The following ATXN7 variants were observed in gnomAD, a reference collection of about 807,000 sequenced individuals.
ATXN7 encodes the protein ataxin 7, also known as ataxin-7.
A neutral mutation model predicts 70.5 loss-of-function variants in ATXN7; 12 were observed. The observed-to-expected ratio is 0.17, with a 90% CI of 0.11 to 0.28. The LOEUF is 0.28. ATXN7 is among the 10% of genes least tolerant of loss of function. The probability of loss-of-function intolerance (pLI) is 1.00; values close to 1 mark genes in which losing one functional copy is unlikely to be tolerated. For missense variants in ATXN7, 1,256 were observed against 1,131.7 expected, an observed-to-expected ratio of 1.11 and a Z score of -1.58; for synonymous variants, 498 against 448.7, an observed-to-expected ratio of 1.11 and a Z score of -1.39.
chr3:63,935,597 C>G (rs1439810190), intron 4 of ATXN7, among the ~76,000 whole-genome samples: 1 of 152,124 alleles, frequency 6.6e-6, no homozygotes, highest in African/African-American at 2.4e-5. Flanking sequence ...CAGTAGTGAG[C>G]TCAGTGACTG....
chr3:63,920,349 C>G (rs1359279542), intron 4 of ATXN7, among the ~76,000 whole-genome samples: 2 of 152,100 alleles, frequency 1.3e-5, no homozygotes, highest in African/African-American at 4.8e-5. Flanking sequence ...ACCATTATCT[C>G]CATTTTACAG....
At chr3:63,947,353 A>G (rs1466006823) in intron 4 of ATXN7, among the ~76,000 whole-genome samples, 1 of 152,136 alleles carries the variant, frequency 6.6e-6, no homozygotes, top group Non-Finnish European at 1.5e-5. Context: ...TGGGAGGCCA[A>G]GGTGGGAGGA....
chr3:63,980,322 C>A, intron 6 of ATXN7, 155 bp downstream of exon 6: 2 of 1,081,586 alleles, frequency 1.8e-6, no homozygotes, highest in Non-Finnish European at 2.6e-6. Flanking sequence ...GTTTCCCTGT[C>A]ATGTCATAGG....
chr3:63,932,307 A>C (rs1288464667), intron 4 of ATXN7, among the ~76,000 whole-genome samples: 1 of 152,224 alleles, frequency 6.6e-6, no homozygotes, highest in African/African-American at 2.4e-5. Context: ...ATTAAAAGTT[A>C]AGAGTCAGAA....
In ATXN7 at chr3:63,973,178, A is replaced by G. The variant is rs78044468; in HGVS notation, c.500-6737A>G. Among the ~76,000 whole-genome samples, 183 of 152,300 alleles carry G rather than the reference A, an allele frequency of 1.2e-3. 1 individual carries two copies. The highest frequency in any genetic ancestry group is 4.2e-3 in the African/African-American group (175 of 41,572). ...TATGAACCCACATATCCCTGACTCT[A>G]AAGTTCTTGCCCTTTTCAGGTAATC... On this transcript the variant is annotated intron_variant, in intron 5 of 12. Transcript: ENST00000674280.
At chr3:63,869,952 T>C (rs1211277794) in intron 1 of ATXN7, among the ~76,000 whole-genome samples, 1 of 152,156 alleles carries the variant, frequency 6.6e-6, no homozygotes, top group Non-Finnish European at 1.5e-5. Flanking sequence ...CTTGGATATG[T>C]CAGGGGCCAA....
chr3:63,937,234 AAAAAT>A (rs1376817492), intron 4 of ATXN7, among the ~76,000 whole-genome samples: 2 of 152,222 alleles, frequency 1.3e-5, no homozygotes, highest in Non-Finnish European at 2.9e-5. Context: ...ATATGTTAAC[AAAAAT>A]AAAATAGACC....
At chr3:63,971,594 T>G (rs1021394523) in intron 5 of ATXN7, among the ~76,000 whole-genome samples, 2 of 152,180 alleles carry the variant, frequency 1.3e-5, no homozygotes, top group African/African-American at 4.8e-5. Flanking sequence ...TATTAAATGC[T>G]CGATGTTCAT....
At chr3:63,940,125 C>T (rs1280392692) in intron 4 of ATXN7, among the ~76,000 whole-genome samples, 1 of 152,196 alleles carries the variant, frequency 6.6e-6, no homozygotes, top group African/African-American at 2.4e-5. Context: ...CCTGGGAATC[C>T]AGAAAACCAC....
intron 11 of ATXN7, among the ~76,000 whole-genome samples, chr3:63,994,733 CT>C (rs2075728898): frequency 6.6e-6 from 1 of 152,192 alleles, no homozygotes; most frequent in African/African-American, 2.4e-5. Flanking sequence ...CCAGTCAGGC[CT>C]TTTTGTCTTC....
At chr3:63,899,184 T>C (rs1703537874) in intron 2 of ATXN7, among the ~76,000 whole-genome samples, 1 of 151,728 alleles carries the variant, frequency 6.6e-6, no homozygotes. Flanking sequence ...TGCCTCAGCC[T>C]CCTGAGTAGT....
chr3:63,967,657 C>T (rs77985150), intron 5 of ATXN7: 18,312 of 665,410 alleles, frequency 0.028, 277 homozygotes, highest in Non-Finnish European at 0.033. Flanking sequence ...CCAGTTTTGA[C>T]AAGTTGCCTT....
intron 6 of ATXN7, among the ~76,000 whole-genome samples, chr3:63,981,861 CCTT>C (rs901108927): frequency 1.1e-4 from 16 of 152,280 alleles, no homozygotes; most frequent in African/African-American, 2.9e-4. Flanking sequence ...TTCTTTTAGA[CCTT>C]CTCATGTTTT....
At chr3:63,974,971 T>C (rs1575974000) in intron 5 of ATXN7, among the ~76,000 whole-genome samples, 1 of 152,196 alleles carries the variant, frequency 6.6e-6, no homozygotes, top group East Asian at 1.9e-4. Context: ...CTGAGGTAGA[T>C]GGTAGAAGTT....
intron 5 of ATXN7, among the ~76,000 whole-genome samples, chr3:63,976,868 A>AG (rs576062262): frequency 6.0e-4 from 92 of 152,344 alleles, no homozygotes; most frequent in Admixed American, 1.8e-3. Flanking sequence ...CCTAATGAAA[A>AG]GGGTAGCACA....
chr3:63,926,407 C>T (rs1559634575), intron 4 of ATXN7, among the ~76,000 whole-genome samples: 3 of 152,150 alleles, frequency 2.0e-5, no homozygotes, highest in Non-Finnish European at 2.9e-5. Flanking sequence ...GAGCTTCAGT[C>T]GTGCATATTG....
At chr3:63,975,780 G>A (rs975354030) in intron 5 of ATXN7, among the ~76,000 whole-genome samples, 3 of 152,116 alleles carry the variant, frequency 2.0e-5, no homozygotes, top group Non-Finnish European at 4.4e-5. Context: ...CTAATATCCT[G>A]TCCTTGCCAT....
At chr3:63,933,368 T>C (rs1190397751) in intron 4 of ATXN7, among the ~76,000 whole-genome samples, 1 of 152,146 alleles carries the variant, frequency 6.6e-6, no homozygotes, top group Non-Finnish European at 1.5e-5. Flanking sequence ...AAGTAGTCAA[T>C]GTTGTTGTTA....
At chr3:63,890,752 A>G (rs1452602264) in intron 1 of ATXN7, among the ~76,000 whole-genome samples, 1 of 152,204 alleles carries the variant, frequency 6.6e-6, no homozygotes, top group Non-Finnish European at 1.5e-5. Context: ...CCAAAACCCC[A>G]GTGCCTTAAC....
Sources: allele counts gnomAD v4.1 joint callset (sites outside exome capture counted in the v4.1 genomes callset), GRCh38; gene constraint gnomAD v4.1.1; transcripts MANE v1.5; gene names NCBI Gene and HGNC (gene_info 2026-07-23, HGNC 2026-07-21).